Variants in AKT3 observed in about 807,000 individuals in gnomAD.
The protein encoded by AKT3 is RAC-gamma serine/threonine-protein kinase.
Under a neutral mutation model 65.3 loss-of-function variants are expected in AKT3, and 15 were observed. The ratio of observed to expected loss-of-function variants is 0.23; its 90% CI spans 0.15 to 0.35. AKT3 has a LOEUF of 0.35. AKT3 is among the 10% of genes least tolerant of loss of function. The pLI is 1.00. For synonymous variants in AKT3, 206 were observed against 183.8 expected, an observed-to-expected ratio of 1.12 and a Z score of -0.98; for missense variants, 243 against 576.5, an observed-to-expected ratio of 0.42 and a Z score of 5.92.
chr1:243,729,765 A>G (rs1687431556), intron 2 of AKT3, among the ~76,000 whole-genome samples: 1 of 152,210 alleles, frequency 6.6e-6, no homozygotes, highest in African/African-American at 2.4e-5. Context: ...TTAAGGAGAC[A>G]TAAAATATTA....
intron 2 of AKT3, among the ~76,000 whole-genome samples, chr1:243,796,471 T>G (rs940994289): frequency 6.6e-6 from 1 of 152,168 alleles, no homozygotes; most frequent in Non-Finnish European, 1.5e-5. Flanking sequence ...CTCCCCCACT[T>G]AAAACTTCCT....
At chr1:243,788,394 T>G (rs1052658855) in intron 2 of AKT3, among the ~76,000 whole-genome samples, 1 of 152,222 alleles carries the variant, frequency 6.6e-6, no homozygotes, top group South Asian at 2.1e-4. Flanking sequence ...ATTTCCACTA[T>G]AAATTCATTA....
At chr1:243,627,900 C>A (rs922927660) in intron 6 of AKT3, among the ~76,000 whole-genome samples, 16 of 152,174 alleles carry the variant, frequency 1.1e-4, no homozygotes, top group Non-Finnish European at 2.2e-4. Context: ...GAATGGAAAC[C>A]TAAACAACAG....
intron 2 of AKT3, among the ~76,000 whole-genome samples, chr1:243,800,658 C>T (rs1692325917): frequency 1.3e-5 from 2 of 151,630 alleles, no homozygotes; most frequent in African/African-American, 4.9e-5. Context: ...GCAGAGGTTG[C>T]AGTGAGCCAA....
chr1:243,610,309 C>T (rs1380051758), intron 8 of AKT3, among the ~76,000 whole-genome samples: 2 of 152,098 alleles, frequency 1.3e-5, no homozygotes, highest in African/African-American at 2.4e-5. Flanking sequence ...TCAAATAATC[C>T]AATGAATATT....
rs150674213 is a variant in AKT3 at position 243,778,195 on chromosome 1, T to C, written c.46+64930A>G. Among the ~76,000 whole-genome samples the C allele has an allele frequency of 1.5e-3, 227 of 152,290 alleles. 1 individual carries two copies. The highest frequency in any genetic ancestry group is 5.3e-3 in the African/African-American group (219 of 41,572). ...CTGCAGAAAAAGACATCAAATAACATACATTAATGCTTTTCTACTGGGAAT... is the reference window on the plus strand; with the variant it reads ...CTGCAGAAAAAGACATCAAATAACACACATTAATGCTTTTCTACTGGGAAT... On this transcript the variant is annotated intron_variant, in intron 2 of 13. Transcript: ENST00000673466.
chr1:243,581,755 C>G (rs1268704529), intron 8 of AKT3, among the ~76,000 whole-genome samples: 1 of 151,708 alleles, frequency 6.6e-6, no homozygotes, highest in Non-Finnish European at 1.5e-5. Context: ...AAAATGGAAA[C>G]TCAGAAATGA....
At chr1:243,769,275 T>C (rs1038423977) in intron 2 of AKT3, among the ~76,000 whole-genome samples, 1 of 152,202 alleles carries the variant, frequency 6.6e-6, no homozygotes, top group Non-Finnish European at 1.5e-5. Context: ...CTACAAACAT[T>C]CACATACAAG....
At chr1:243,825,886 C>G (rs1694135129) in intron 2 of AKT3, among the ~76,000 whole-genome samples, 1 of 152,014 alleles carries the variant, frequency 6.6e-6, no homozygotes, top group African/African-American at 2.4e-5. Flanking sequence ...AAACCCAGCA[C>G]TTTGGGAGGC....
At chr1:243,516,274 T>C (rs1398928932) in intron 12 of AKT3, among the ~76,000 whole-genome samples, 4 of 152,234 alleles carry the variant, frequency 2.6e-5, no homozygotes, top group African/African-American at 9.6e-5. Flanking sequence ...AATAGTTGAA[T>C]TTATTGGCAT....
At chr1:243,733,701 T>C (rs1687683410) in intron 2 of AKT3, among the ~76,000 whole-genome samples, 1 of 152,204 alleles carries the variant, frequency 6.6e-6, no homozygotes, top group Non-Finnish European at 1.5e-5. Flanking sequence ...TCCCAGCTCA[T>C]ATAAAAGTTA....
intron 12 of AKT3, among the ~76,000 whole-genome samples, chr1:243,530,997 ATC>A (rs1671485626): frequency 6.6e-6 from 1 of 152,210 alleles, no homozygotes; most frequent in African/African-American, 2.4e-5. Flanking sequence ...ATTTTCAAAC[ATC>A]TGTTTTTTTC....
In AKT3 at chr1:243,843,663, T is replaced by G. The variant is rs1380781068; in HGVS notation, c.-112-381A>C. 7 of 862,196 alleles carry G rather than the reference T, an allele frequency of 8.1e-6. No homozygotes were observed. In the East Asian group the frequency reaches 4.8e-4, roughly 60 times the overall value. 53.4% of individuals were successfully genotyped at this position (862,196 alleles called of 1,614,324 possible). ...AGCAATTGTAAATTTTTTGTTTTTT[T>G]TTTTTTTGAAACGGAATCTCACTCT... is the stretch of plus-strand genomic sequence containing the variant. On this transcript the variant is annotated intron_variant, in intron 1 of 13. Transcript: ENST00000673466.
intron 12 of AKT3, among the ~76,000 whole-genome samples, chr1:243,527,810 G>A (rs560581268): frequency 4.2e-4 from 63 of 148,554 alleles, no homozygotes; most frequent in Non-Finnish European, 7.7e-4. Flanking sequence ...AGGCTGCAGC[G>A]AGCTGTGATC....
intron 8 of AKT3, among the ~76,000 whole-genome samples, chr1:243,604,643 C>G (rs942495461): frequency 2.6e-5 from 4 of 152,172 alleles, no homozygotes; most frequent in Admixed American, 2.0e-4. Context: ...CCTTTGCTTT[C>G]CTTTCCTCTG....
At chr1:243,659,603 A>C (rs1046648355) in intron 4 of AKT3, among the ~76,000 whole-genome samples, 1 of 152,176 alleles carries the variant, frequency 6.6e-6, no homozygotes, top group Non-Finnish European at 1.5e-5. Flanking sequence ...TAAAAGCGCA[A>C]ATATGTATAT....
At chr1:243,679,834 TC>T (rs1296979612) in intron 3 of AKT3, among the ~76,000 whole-genome samples, 2 of 152,094 alleles carry the variant, frequency 1.3e-5, no homozygotes, top group African/African-American at 4.8e-5. Flanking sequence ...AGATGGAACT[TC>T]CTAGAGGCAT....
chr1:243,505,456 T>C (rs1055817962), intron 13 of AKT3, 122 bp from the exon 14 acceptor site: 3 of 738,030 alleles, frequency 4.1e-6, no homozygotes, highest in Admixed American at 2.5e-5. Flanking sequence ...TCCCATAAAC[T>C]TGTGTTCATC....
chr1:243,722,047 CCAAA>C (rs1284525683), intron 2 of AKT3, among the ~76,000 whole-genome samples: 2 of 152,058 alleles, frequency 1.3e-5, no homozygotes, highest in Non-Finnish European at 2.9e-5. Flanking sequence ...CAAATAATTT[CCAAA>C]CACATTTTGG....
Sources: allele counts gnomAD v4.1 joint callset (sites outside exome capture counted in the v4.1 genomes callset), GRCh38; gene constraint gnomAD v4.1.1; transcripts MANE v1.5; gene names NCBI Gene and HGNC (gene_info 2026-07-23, HGNC 2026-07-21).